Variants in PRRT1B observed in about 807,000 individuals in gnomAD.
PRRT1B encodes the protein proline rich transmembrane protein 1B, also known as dispanin subfamily D member 2.
At position 131,554,521 on chromosome 9, in the gene PRRT1B, G is replaced by C. The variant is rs530231535; in HGVS notation, c.26-36G>C. ...CCAGCGACGTCCCACCTAGCCCGGCGGCCTCTTGCTCACGACCGCTGCCAT... is the reference window on the plus strand; with the variant it reads ...CCAGCGACGTCCCACCTAGCCCGGCCGCCTCTTGCTCACGACCGCTGCCAT... On this transcript the variant is annotated intron_variant, in intron 1 of 3. Transcript: ENST00000636672. 87 of 387,938 alleles carry C rather than the reference G, an allele frequency of 2.2e-4. No individual in the cohort carries two copies. In the Admixed American group the frequency reaches 3.4e-3, roughly 15 times the overall value. The allele number at this position is 387,938 out of a possible 1,614,324, so 24.0% of individuals were successfully genotyped here. A position where few individuals can be genotyped will look rare whatever the true frequency, so the allele number is the denominator to read the frequency against.
rs1420653340 is a variant in PRRT1B at position 131,551,016 on chromosome 9, C to T, written c.26-3541C>T. On this transcript the variant is annotated intron_variant, in intron 1 of 3. Coordinates refer to ENST00000636672, the Ensembl canonical transcript of PRRT1B. The surrounding 1 kb of genome is among the most constrained non-coding windows in gnomAD (Gnocchi z 4.4). ...GGAGTGCAGTGGCGCGATCTCGGCT[C>T]ACTGCAAGCTCTGCCTCCCGGGTTC... Among the ~76,000 whole-genome samples, 3 of 145,114 alleles carry T rather than the reference C, an allele frequency of 2.1e-5. No homozygotes were observed. Among genetic ancestry groups the T allele is most frequent in the East Asian group, 2.1e-4 (1 of 4,788 alleles).
exon 2 of PRRT1B, chr9:131,554,965 C>G (rs1951038573): frequency 2.6e-5 from 10 of 391,952 alleles, no homozygotes; most frequent in East Asian, 3.6e-5. Flanking sequence ...CAGCTCTACC[C>G]AGCCGCGCCC....
At chr9:131,557,586 A>G (rs1256689809) in intron 3 of PRRT1B, among the ~76,000 whole-genome samples, 3 of 152,182 alleles carry the variant, frequency 2.0e-5, no homozygotes, top group Non-Finnish European at 2.9e-5. Flanking sequence ...GCCTATGCTC[A>G]AGGCTGACCT....
At position 131,551,434 on chromosome 9, in the gene PRRT1B, A is replaced by C. The variant is rs894951400; in HGVS notation, c.26-3123A>C. ...GAAGCAGCCCTGAGAAACATCGCCC[A>C]TTATCTCTCCATACCACCCCCAAAA... On this transcript the variant is annotated intron_variant, in intron 1 of 3. Transcript: ENST00000636672. The surrounding 1 kb of genome is among the most constrained non-coding windows in gnomAD (Gnocchi z 4.4). Among the ~76,000 whole-genome samples, 1 of 152,040 alleles carries C rather than the reference A, an allele frequency of 6.6e-6. No individual in the cohort carries two copies.
chr9:131,547,064 G>GTTTTTTTTT (rs1950980780), intron 1 of PRRT1B, among the ~76,000 whole-genome samples: 1 of 76,346 alleles, frequency 1.3e-5, no homozygotes, highest in African/African-American at 1.1e-4. Context: ...CCTCCTGTTC[G>GTTTTTTTTT]CTTTTTTTTT....
At chr9:131,558,030 C>A (rs28731115) in intron 3 of PRRT1B, 23 bp from the exon 4 acceptor site, 65,036 of 398,842 alleles carry the variant, frequency 0.16, 6,474 homozygotes, top group African/African-American at 0.33. Flanking sequence ...CCCACCGCCC[C>A]CTCCTGCCCT....
rs1951014148 is a variant in PRRT1B at position 131,551,807 on chromosome 9, T to G, written c.26-2750T>G. On this transcript the variant is annotated intron_variant, in intron 1 of 3. Coordinates refer to ENST00000636672, the Ensembl canonical transcript of PRRT1B. This position sits in a 1 kb window ranked among gnomAD's most constrained non-coding sequence, Gnocchi z 4.4. ...TTTTCCTTTACCTACGCAAATCCTA[T>G]AAGACGGCCCACCCCATCTCCCTTC... Among the ~76,000 whole-genome samples, 1 of 117,046 alleles carries G rather than the reference T, an allele frequency of 8.5e-6. No individual in the cohort carries two copies. The highest frequency in any genetic ancestry group is 2.6e-4 in the South Asian group (1 of 3,916). The allele number at this position is 117,046 out of a possible 152,430, so 76.8% of individuals were successfully genotyped here. A position where few individuals can be genotyped will look rare whatever the true frequency, so the allele number is the denominator to read the frequency against.
chr9:131,550,641 G>C (rs1377817943), intron 1 of PRRT1B, among the ~76,000 whole-genome samples: 1 of 152,216 alleles, frequency 6.6e-6, no homozygotes, highest in Non-Finnish European at 1.5e-5. Context: ...TCTTATGCAA[G>C]AGTCGGGACT....
intron 1 of PRRT1B, among the ~76,000 whole-genome samples, chr9:131,549,677 TC>T (rs1950998028): frequency 6.6e-6 from 1 of 152,144 alleles, no homozygotes; most frequent in African/African-American, 2.4e-5. Flanking sequence ...GGCTACCCAC[TC>T]CACATTACCT....
At chr9:131,547,355 C>T (rs1950983142) in intron 1 of PRRT1B, among the ~76,000 whole-genome samples, 1 of 152,116 alleles carries the variant, frequency 6.6e-6, no homozygotes, top group Non-Finnish European at 1.5e-5. Flanking sequence ...TAACTGATGA[C>T]ATTACCTTGT....
chr9:131,553,885 C>A (rs1363275978), intron 1 of PRRT1B, among the ~76,000 whole-genome samples: 2 of 152,164 alleles, frequency 1.3e-5, no homozygotes, highest in South Asian at 2.1e-4. Context: ...TTTGTTGGGA[C>A]CTGACCAGGC....
intron 1 of PRRT1B, 124 bp downstream of exon 1, chr9:131,545,764 C>T (rs1457668188): frequency 2.6e-6 from 1 of 381,336 alleles, no homozygotes; most frequent in South Asian, 1.3e-4. Context: ...GGGGCAGGTG[C>T]TGGCGGAGCG....
At chr9:131,552,933 G>A (rs1951021631) in intron 1 of PRRT1B, among the ~76,000 whole-genome samples, 1 of 148,754 alleles carries the variant, frequency 6.7e-6, no homozygotes, top group Non-Finnish European at 1.5e-5. Flanking sequence ...TGATCCACCT[G>A]CCTCGGCCTC....
At chr9:131,559,735 G>T (rs993599877), downstream of PRRT1B, among the ~76,000 whole-genome samples, 1 of 152,200 alleles carries the variant, frequency 6.6e-6, no homozygotes, top group African/African-American at 2.4e-5. Flanking sequence ...CAGTGATGCT[G>T]AAGCTGGTAC....
downstream of PRRT1B, among the ~76,000 whole-genome samples, chr9:131,559,574 T>A (rs1378309734): frequency 1.3e-5 from 2 of 152,212 alleles, no homozygotes; most frequent in African/African-American, 2.4e-5. Flanking sequence ...CACCAGGGGC[T>A]GAAACAGGAG....
At chr9:131,558,288 TG>T (rs1052311880) in exon 4 of PRRT1B, 2 of 400,158 alleles carry the variant, frequency 5.0e-6, no homozygotes, top group African/African-American at 4.1e-5. Context: ...CTCAGATCCC[TG>T]CCGGTGGCCA....
intron 1 of PRRT1B, among the ~76,000 whole-genome samples, chr9:131,546,230 T>G (rs1052993612): frequency 6.6e-6 from 1 of 151,668 alleles, no homozygotes. Flanking sequence ...GAGCCTGCAG[T>G]AGGGAGCACG....
Position 131,551,738 on chromosome 9 carries a change from A to C in PRRT1B, c.26-2819A>C, listed in dbSNP as rs2132008945. ...AAGCTCCCCCACTGAGCACCTTGTGACCCCCACTCCTGCCCACCAGAGAAC... is the reference window on the plus strand; with the variant it reads ...AAGCTCCCCCACTGAGCACCTTGTGCCCCCCACTCCTGCCCACCAGAGAAC... On this transcript the variant is annotated intron_variant, in intron 1 of 3. Transcript: ENST00000636672. The surrounding 1 kb of genome is among the most constrained non-coding windows in gnomAD (Gnocchi z 4.4). Among the ~76,000 whole-genome samples the C allele has an allele frequency of 6.6e-6, 1 of 150,974 alleles. No individual in the cohort carries two copies. The highest frequency in any genetic ancestry group is 2.1e-4 in the South Asian group (1 of 4,760).
intron 1 of PRRT1B, among the ~76,000 whole-genome samples, chr9:131,548,600 A>G (rs1426802203): frequency 6.6e-6 from 1 of 151,994 alleles, no homozygotes; most frequent in Non-Finnish European, 1.5e-5. Flanking sequence ...TCTGTTCCCA[A>G]TGCAACTTGT....
Sources: gnomAD v4.1 joint callset for allele counts (sites outside exome capture counted in the v4.1 genomes callset) on GRCh38, gnomAD v4.1.1 for gene constraint, Gnocchi (gnomAD v3.1) non-coding constraint, MANE v1.5 for transcripts, NCBI Gene and HGNC (gene_info 2026-07-23, HGNC 2026-07-21) for gene names.